The following DGKI variants were observed in gnomAD, a reference collection of about 807,000 sequenced individuals.
DGKI encodes the protein DAG kinase iota.
Under a neutral mutation model 147.5 loss-of-function variants are expected in DGKI, and 55 were observed. The ratio of observed to expected loss-of-function variants is 0.37; its 90% confidence interval spans 0.30 to 0.47. The LOEUF (loss-of-function observed/expected upper bound fraction) is 0.47, where lower values mean the gene tolerates loss of function less well. Ranked by LOEUF, DGKI falls within the 20% of genes least tolerant of loss-of-function variation. The pLI, the probability that DGKI is intolerant of heterozygous loss-of-function variation, is 1.00. For missense variants in DGKI, 1,007 were observed against 1,323.8 expected, an observed-to-expected ratio of 0.76 and a Z score of 3.71; for synonymous variants, 469 against 477.1, an observed-to-expected ratio of 0.98 and a Z score of 0.22.
At chr7:137,569,602 G>A (rs540262149) in intron 19 of DGKI, among the ~76,000 whole-genome samples, 216 of 151,096 alleles carry the variant, frequency 1.4e-3, no homozygotes, top group Non-Finnish European at 2.3e-3. Context: ...GGTGGTGGGC[G>A]CCTGTAGTCC....
At chr7:137,674,589 T>C (rs949195745) in intron 3 of DGKI, among the ~76,000 whole-genome samples, 5 of 152,188 alleles carry the variant, frequency 3.3e-5, no homozygotes, top group Admixed American at 2.6e-4. Context: ...ATTTACAATA[T>C]GCACTCCAAG....
rs1296867302 is a variant in DGKI, at chr7:137,846,274, G to C, written c.401+188C>G. Among the ~76,000 whole-genome samples the C allele has an allele frequency of 1.3e-5, 2 of 151,504 alleles. No individual in the cohort carries two copies. Among genetic ancestry groups the C allele is most frequent in the Admixed American group, 6.6e-5 (1 of 15,196 alleles). On this transcript the variant is annotated intron_variant, in intron 1 of 32. Coordinates refer to ENST00000614521, the MANE Select transcript of DGKI (RefSeq NM_001321708.2). The surrounding 1 kb of genome is among the most constrained non-coding windows in gnomAD (Gnocchi z 4.0). ...CCTGCCACAGGGGAAAGCAGGCGTT[G>C]CTGCCCTCCAGCCTGGAATGATAGG...
intron 27 of DGKI, among the ~76,000 whole-genome samples, chr7:137,456,465 C>T: frequency 6.6e-6 from 1 of 152,130 alleles, no homozygotes; most frequent in East Asian, 1.9e-4. Flanking sequence ...TTCTATTCAT[C>T]CCAAAAGCCT....
At position 137,447,548 on chromosome 7, in the gene DGKI, G is replaced by C. The variant is rs747759238; in HGVS notation, c.2736-3446C>G. On this transcript the variant is annotated intron_variant, in intron 27 of 32. Transcript: ENST00000614521. ...TAAGTTAGGAAGGAGAAGAACTCCAGGCAGAATAGCAATAGGCGTGTGAAA... is the reference window on the plus strand; with the variant it reads ...TAAGTTAGGAAGGAGAAGAACTCCACGCAGAATAGCAATAGGCGTGTGAAA... Among the ~76,000 whole-genome samples the C allele has an allele frequency of 5.9e-5, 9 of 152,302 alleles. No individual in the cohort carries two copies. In the East Asian group the frequency reaches 1.3e-3, roughly 23 times the overall value.
At position 137,424,788 on chromosome 7, in the gene DGKI, A is replaced by G. The variant is rs1243143410; in HGVS notation, c.2762-12581T>C. 3.7e-4 allele frequency among the ~76,000 whole-genome samples: 56 copies of G among 152,206 alleles called. 2 individuals are homozygous for G. The highest frequency in any genetic ancestry group is 3.7e-3 in the Admixed American group (56 of 15,284). On this transcript the variant is annotated intron_variant, in intron 28 of 32. Transcript: ENST00000614521. ...CGCCCACGGAATCTCGCTGATTGCT[A>G]GCACAGCAGTCTGAGATCAAACTGC...
intron 1 of DGKI, among the ~76,000 whole-genome samples, chr7:137,703,862 T>C (rs1793912234): frequency 6.6e-6 from 1 of 152,174 alleles, no homozygotes; most frequent in Non-Finnish European, 1.5e-5. Context: ...GTATCACGCA[T>C]ACACAGGAAA....
chr7:137,807,360 T>G (rs1472675485), intron 1 of DGKI, among the ~76,000 whole-genome samples: 2 of 152,258 alleles, frequency 1.3e-5, no homozygotes, highest in Non-Finnish European at 2.9e-5. Context: ...GATTTTATGT[T>G]TTGTCATAAT....
intron 1 of DGKI, among the ~76,000 whole-genome samples, chr7:137,727,051 A>G (rs1794737636): frequency 6.6e-6 from 1 of 151,956 alleles, no homozygotes; most frequent in South Asian, 2.1e-4. Flanking sequence ...AGATCTGCAA[A>G]AGAAAAAAAA....
At chr7:137,822,372 A>G (rs1797931068) in intron 1 of DGKI, among the ~76,000 whole-genome samples, 1 of 152,050 alleles carries the variant, frequency 6.6e-6, no homozygotes. Context: ...ACTCCCCTGC[A>G]CTCCAGCCTG....
intron 2 of DGKI, among the ~76,000 whole-genome samples, chr7:137,686,518 T>C (rs1823423392): frequency 6.6e-6 from 1 of 152,174 alleles, no homozygotes; most frequent in African/African-American, 2.4e-5. Flanking sequence ...AAAGTCATAA[T>C]AAGCCATTTG....
At chr7:137,725,215 C>A (rs1308322708) in intron 1 of DGKI, among the ~76,000 whole-genome samples, 1 of 152,162 alleles carries the variant, frequency 6.6e-6, no homozygotes, top group Admixed American at 6.5e-5. Flanking sequence ...TTCCTCCCTG[C>A]ATTTTGAGTA....
intron 1 of DGKI, among the ~76,000 whole-genome samples, chr7:137,776,414 C>T (rs1433781654): frequency 6.6e-6 from 1 of 152,112 alleles, no homozygotes; most frequent in African/African-American, 2.4e-5. Flanking sequence ...GTTTGGTCTG[C>T]CTAGAGAATA....
At chr7:137,421,268 T>C (rs998350194) in intron 28 of DGKI, among the ~76,000 whole-genome samples, 3 of 152,242 alleles carry the variant, frequency 2.0e-5, no homozygotes, top group Admixed American at 1.3e-4. Flanking sequence ...ACGGTGGCTT[T>C]ATATTCAAAC....
intron 1 of DGKI, chr7:137,843,453 G>A (rs1046224453): frequency 9.1e-5 from 90 of 984,642 alleles, no homozygotes; most frequent in Non-Finnish European, 1.1e-4. Flanking sequence ...TTGCTCTAGG[G>A]GTGCAGATTC....
At chr7:137,570,470 T>A (rs567759628) in intron 19 of DGKI, among the ~76,000 whole-genome samples, 1 of 152,338 alleles carries the variant, frequency 6.6e-6, no homozygotes, top group East Asian at 1.9e-4. Context: ...TACTCATAAG[T>A]AAGACGGATA....
At chr7:137,688,559 G>A (rs1823500962) in intron 2 of DGKI, among the ~76,000 whole-genome samples, 2 of 152,152 alleles carry the variant, frequency 1.3e-5, no homozygotes, top group South Asian at 2.1e-4. Flanking sequence ...CCCCTGGAAT[G>A]TCTCACCTCA....
chr7:137,657,365 C>T (rs1421302891), intron 3 of DGKI, among the ~76,000 whole-genome samples: 3 of 152,260 alleles, frequency 2.0e-5, no homozygotes, highest in African/African-American at 7.2e-5. Context: ...AAGCATTACA[C>T]AATTCGGCCT....
At chr7:137,509,583 G>A (rs1441600787) in intron 21 of DGKI, among the ~76,000 whole-genome samples, 1 of 152,174 alleles carries the variant, frequency 6.6e-6, no homozygotes, top group East Asian at 1.9e-4. Flanking sequence ...GCAAAAAAGA[G>A]CAAAGAAGGC....
chr7:137,634,254 A>C (rs571010594), intron 6 of DGKI, among the ~76,000 whole-genome samples: 1 of 152,334 alleles, frequency 6.6e-6, no homozygotes, highest in East Asian at 1.9e-4. Context: ...TGGGGCCCAG[A>C]GCATGAAACA....
Sources: gnomAD v4.1 joint callset for allele counts (sites outside exome capture counted in the v4.1 genomes callset) on GRCh38, gnomAD v4.1.1 for gene constraint, Gnocchi (gnomAD v3.1) non-coding constraint, MANE v1.5 for transcripts, NCBI Gene and HGNC (gene_info 2026-07-23, HGNC 2026-07-21) for gene names.